The following CXADR variants were observed in gnomAD, a reference collection of about 807,000 sequenced individuals.
The protein encoded by CXADR is CXADR cell adhesion molecule, also known as coxsackievirus and adenovirus receptor.
In CXADR, 20 loss-of-function variants were observed where a neutral mutation model predicts 40.3. The ratio of observed to expected loss-of-function variants is 0.50; its 90% CI spans 0.35 to 0.72. The LOEUF (loss-of-function observed/expected upper bound fraction) is 0.72. Ranked by LOEUF, CXADR falls within the 30% of genes least tolerant of loss-of-function variation. The pLI is 0.01. For missense variants in CXADR, 332 were observed against 449.1 expected (o/e 0.74, Z 2.36); for synonymous variants, 150 against 161.3 (o/e 0.93, Z 0.53).
the CXADR span, among the ~76,000 whole-genome samples, chr21:17,610,453 A>AC: frequency 6.6e-6 from 1 of 152,360 alleles, no homozygotes; most frequent in South Asian, 2.1e-4. Context: ...ATCTATCAGG[A>AC]CATATTTAAG....
chr21:17,633,466 G>A, the CXADR span, among the ~76,000 whole-genome samples: 19 of 152,168 alleles, frequency 1.2e-4, no homozygotes, highest in African/African-American at 4.6e-4. Flanking sequence ...GGCTGAGACA[G>A]GAGAGTCACT....
intron 1 of CXADR, among the ~76,000 whole-genome samples, chr21:17,543,234 A>G (rs963729765): frequency 2.0e-5 from 3 of 152,230 alleles, no homozygotes; most frequent in African/African-American, 7.2e-5. Flanking sequence ...AATTTGACAT[A>G]TATCTTTTCA....
chr21:17,541,314 A>C (rs1029151329), intron 1 of CXADR, among the ~76,000 whole-genome samples: 2 of 152,084 alleles, frequency 1.3e-5, no homozygotes, highest in Non-Finnish European at 2.9e-5. Context: ...GCACTTTGGG[A>C]GGCCGAGGCG....
chr21:17,565,446 A>C lies in CXADR; in HGVS notation c.852A>C (p.Pro284=). ...HHDIREDVPP[P]KSRTSTARSY... is the part of the protein sequence containing the mutation. ...TTTGCAGGGAAGATGTGCCACCTCCAAAGAGCCGTACGTCCACTGCCAGAA... is the reference window on the plus strand; with the variant it reads ...TTTGCAGGGAAGATGTGCCACCTCCCAAGAGCCGTACGTCCACTGCCAGAA... Residue 284 remains proline, a synonymous_variant, in exon 7 of 7, where the codon CCA becomes CCC. Coordinates refer to ENST00000284878, the MANE Select transcript of CXADR (RefSeq NM_001338.5). 1.2e-6 allele frequency: 2 copies of C among 1,613,902 alleles called. No homozygotes were observed. The highest frequency in any genetic ancestry group is 1.7e-6 in the Non-Finnish European group (2 of 1,179,822).
intron 1 of CXADR, among the ~76,000 whole-genome samples, chr21:17,514,562 T>TG (rs1190646946): frequency 2.1e-5 from 1 of 46,896 alleles, no homozygotes; most frequent in Non-Finnish European, 4.4e-5. Context: ...GTGTGTTCTC[T>TG]GGGAAAAAAA....
intron 7 of CXADR, among the ~76,000 whole-genome samples, chr21:17,577,794 A>C (rs983362111): frequency 6.6e-6 from 1 of 151,780 alleles, no homozygotes; most frequent in African/African-American, 2.4e-5. Flanking sequence ...GTTGAATAGC[A>C]ATTCCCCATT....
At chr21:17,578,895 G>A (rs1405701620) in intron 7 of CXADR, among the ~76,000 whole-genome samples, 1 of 152,110 alleles carries the variant, frequency 6.6e-6, no homozygotes, top group Non-Finnish European at 1.5e-5. Context: ...CCTATGTAAG[G>A]TTCAAATCAT....
the CXADR span, among the ~76,000 whole-genome samples, chr21:17,609,638 T>C: frequency 6.6e-6 from 1 of 152,244 alleles, no homozygotes; most frequent in Non-Finnish European, 1.5e-5. Flanking sequence ...CACAGAGTTA[T>C]CATATGACAC....
At chr21:17,551,119 G>A (rs549542208) in intron 2 of CXADR, among the ~76,000 whole-genome samples, 3 of 152,294 alleles carry the variant, frequency 2.0e-5, no homozygotes, top group African/African-American at 7.2e-5. Context: ...GAATGAGCAG[G>A]CCAGGCATGG....
At chr21:17,630,494 G>A in the CXADR span, among the ~76,000 whole-genome samples, 1 of 151,880 alleles carries the variant, frequency 6.6e-6, no homozygotes, top group East Asian at 1.9e-4. Context: ...GGTATTTTTG[G>A]TATTATGGAA....
rs548481252 is a variant in CXADR at position 17,553,961 on chromosome 21, A to G, written c.415+2008A>G. 2.6e-5 allele frequency among the ~76,000 whole-genome samples: 4 copies of G among 152,354 alleles called. 1 individual carries two copies. In the South Asian group the frequency reaches 8.3e-4, roughly 32 times the overall value. On this transcript the variant is annotated intron_variant, in intron 3 of 6. Transcript: ENST00000284878. ...CACAGACCCAGGAATTCCTGAGATT[A>G]TAACCCTGACTATACTTTCTTCCAA...
At chr21:17,633,590 C>T in the CXADR span, among the ~76,000 whole-genome samples, 1 of 152,166 alleles carries the variant, frequency 6.6e-6, no homozygotes, top group East Asian at 1.9e-4. Flanking sequence ...CACATAGTCC[C>T]AGACACACTT....
intron 6 of CXADR, 123 bp downstream of exon 6, chr21:17,561,599 G>T: frequency 1.3e-6 from 1 of 769,450 alleles, no homozygotes; most frequent in Non-Finnish European, 2.0e-6. Flanking sequence ...AGCTCTGGCC[G>T]CCTTCTCAAT....
Position 17,566,937 on chromosome 21 carries a change from AT to A in CXADR, c.*1248del. ...AGTTTGTCTTAGTTTTGTGAAGGTG[AT>A]TTATTCTTAAAAAAAAAAAAGAAAG... On this transcript the variant is annotated 3_prime_UTR_variant, in exon 7 of 7. Coordinates refer to ENST00000284878, the MANE Select transcript of CXADR (RefSeq NM_001338.5). 1 of 911,822 alleles carries A rather than the reference AT, an allele frequency of 1.1e-6. No individual in the cohort carries two copies. The highest frequency in any genetic ancestry group is 1.3e-6 in the Non-Finnish European group (1 of 789,618). 56.5% of individuals were successfully genotyped at this position (911,822 alleles called of 1,614,324 possible). A position where few individuals can be genotyped will look rare whatever the true frequency, so the allele number is the denominator to read the frequency against.
At chr21:17,563,802 G>A (rs1345857263) in intron 6 of CXADR, among the ~76,000 whole-genome samples, 3 of 150,930 alleles carry the variant, frequency 2.0e-5, no homozygotes, top group East Asian at 2.0e-4. Context: ...TTAGCCGGGT[G>A]CAGTGGCGGG....
At chr21:17,547,454 G>A (rs1343463738) in intron 2 of CXADR, among the ~76,000 whole-genome samples, 1 of 152,200 alleles carries the variant, frequency 6.6e-6, no homozygotes, top group African/African-American at 2.4e-5. Context: ...ACACTTCAGG[G>A]AAGAAGAGGA....
intron 1 of CXADR, chr21:17,530,314 GT>G: frequency 2.3e-6 from 1 of 430,178 alleles, no homozygotes; most frequent in Non-Finnish European, 4.6e-6. Context: ...ATGTAGATTA[GT>G]GTTAACATTT....
At chr21:17,592,965 G>C (rs565573375) in intron 7 of CXADR, among the ~76,000 whole-genome samples, 42 of 151,902 alleles carry the variant, frequency 2.8e-4, no homozygotes, top group African/African-American at 9.4e-4. Context: ...AATAATTTGT[G>C]GAATAGCCAT....
intron 3 of CXADR, among the ~76,000 whole-genome samples, chr21:17,557,415 C>T (rs1340595176): frequency 2.6e-5 from 4 of 152,204 alleles, no homozygotes; most frequent in Non-Finnish European, 5.9e-5. Context: ...CAGCTGATGG[C>T]TACTTCCTTA....
Sources: gnomAD v4.1 joint callset for allele counts (sites outside exome capture counted in the v4.1 genomes callset) on GRCh38, gnomAD v4.1.1 for gene constraint, MANE v1.5 for transcripts, NCBI Gene and HGNC (gene_info 2026-07-23, HGNC 2026-07-21) for gene names.